TFAP2D: variants seen among roughly 807,000 people sequenced by gnomAD.
TFAP2D encodes the protein transcription factor AP-2 delta, also known as transcription factor AP-2-delta.
In TFAP2D, 9 loss-of-function variants were observed where a neutral mutation model predicts 43.6. That is an observed-to-expected ratio of 0.21 (90% CI 0.12 to 0.36). The LOEUF (loss-of-function observed/expected upper bound fraction) is 0.36, where lower values mean the gene tolerates loss of function less well. Among genes scored for constraint, TFAP2D ranks in the 10% least tolerant of loss-of-function variants. The probability of loss-of-function intolerance (pLI) is 1.00; values close to 1 mark genes in which losing one functional copy is unlikely to be tolerated. For missense variants in TFAP2D, 513 were observed against 561.4 expected (o/e 0.91, Z 0.87); for synonymous variants, 256 against 224.9 (o/e 1.14, Z -1.24).
intron 7 of TFAP2D, among the ~76,000 whole-genome samples, chr6:50,758,637 A>G (rs1769323776): frequency 6.6e-6 from 1 of 152,010 alleles, no homozygotes; most frequent in African/African-American, 2.4e-5. Context: ...GTCTCTACTT[A>G]AATGTGAGCA....
chr6:50,766,439 G>A (rs1348216709), intron 7 of TFAP2D, among the ~76,000 whole-genome samples: 1 of 151,976 alleles, frequency 6.6e-6, no homozygotes, highest in East Asian at 1.9e-4. Context: ...TGAATCCATA[G>A]ATTGGTTTTA....
intron 3 of TFAP2D, among the ~76,000 whole-genome samples, chr6:50,723,028 T>C (rs1768754380): frequency 6.6e-6 from 1 of 152,158 alleles, no homozygotes; most frequent in South Asian, 2.1e-4. Flanking sequence ...AAATACAAAC[T>C]ACTTTGAATC....
chr6:50,719,855 G>A (rs373827790), intron 3 of TFAP2D, among the ~76,000 whole-genome samples: 2 of 152,202 alleles, frequency 1.3e-5, no homozygotes, highest in East Asian at 1.9e-4. Flanking sequence ...GGTGGGGGAA[G>A]GCAAGAGGAG....
At chr6:50,723,882 T>G (rs2114033595) in intron 3 of TFAP2D, among the ~76,000 whole-genome samples, 1 of 152,204 alleles carries the variant, frequency 6.6e-6, no homozygotes, top group Admixed American at 6.5e-5. Context: ...TACCGCCACA[T>G]TAAACCAGCG....
In TFAP2D at chr6:50,713,922, C is replaced by G. The variant is rs1768569432; in HGVS notation, c.-134C>G. 2.2e-6 allele frequency: 3 copies of G among 1,362,442 alleles called. No individual in the cohort carries two copies. In the Admixed American group the frequency reaches 5.6e-5, roughly 26 times the overall value. 84.4% of individuals were successfully genotyped at this position (1,362,442 alleles called of 1,614,324 possible). A position where few individuals can be genotyped will look rare whatever the true frequency, so the allele number is the denominator to read the frequency against. Reference sequence around the variant, plus strand: ...CTATCTGATCCGGGCAAAACCATTACAATTTAGATATCTACCTATAGAACA... The same window carrying G: ...CTATCTGATCCGGGCAAAACCATTAGAATTTAGATATCTACCTATAGAACA... On this transcript the variant is annotated 5_prime_UTR_variant, in exon 1 of 8. Transcript: ENST00000008391.
intron 6 of TFAP2D, among the ~76,000 whole-genome samples, chr6:50,746,933 G>A (rs1581771253): frequency 6.6e-6 from 1 of 152,086 alleles, no homozygotes. Context: ...AGAAGGAATA[G>A]AGAAAAAGCA....
intron 6 of TFAP2D, among the ~76,000 whole-genome samples, chr6:50,748,624 CATTT>C (rs1230021015): frequency 1.3e-5 from 2 of 151,800 alleles, no homozygotes; most frequent in Admixed American, 6.6e-5. Flanking sequence ...GTAATTTAGA[CATTT>C]ATTTAGGCGA....
chr6:50,748,058 A>AT (rs1342715984), intron 6 of TFAP2D, among the ~76,000 whole-genome samples: 2 of 152,040 alleles, frequency 1.3e-5, no homozygotes, highest in Admixed American at 6.6e-5. Context: ...CAGCTTTATA[A>AT]TTTTTTATTT....
intron 7 of TFAP2D, among the ~76,000 whole-genome samples, chr6:50,770,673 C>A (rs969259887): frequency 3.3e-5 from 5 of 152,060 alleles, no homozygotes; most frequent in African/African-American, 1.2e-4. Flanking sequence ...AATAGGCTGC[C>A]TTAAACCCCA....
At chr6:50,763,410 C>G (rs542537344) in intron 7 of TFAP2D, among the ~76,000 whole-genome samples, 1 of 152,216 alleles carries the variant, frequency 6.6e-6, no homozygotes, top group South Asian at 2.1e-4. Flanking sequence ...ATCTAGCTTA[C>G]CTTCCTCCTC....
chr6:50,714,802 GCTGTGTGTGTGT>G (rs1768587575), intron 1 of TFAP2D, among the ~76,000 whole-genome samples: 1 of 152,056 alleles, frequency 6.6e-6, no homozygotes, highest in Non-Finnish European at 1.5e-5. Flanking sequence ...TTGGGCAGGG[GCTGTGTGTGTGT>G]CTGTGTGTGT....
At chr6:50,726,392 C>T (rs928004641) in intron 3 of TFAP2D, among the ~76,000 whole-genome samples, 18 of 152,322 alleles carry the variant, frequency 1.2e-4, no homozygotes, top group African/African-American at 2.6e-4. Context: ...TATACTCAAA[C>T]GCTCTGTTCT....
chr6:50,717,975 G>A (rs1464208508), intron 2 of TFAP2D: 1 of 152,196 alleles, frequency 6.6e-6, no homozygotes, highest in African/African-American at 2.4e-5. Flanking sequence ...ATGGTTTGGA[G>A]GGCGGTCTAA....
At chr6:50,729,558 G>A (rs1050843760) in intron 5 of TFAP2D, among the ~76,000 whole-genome samples, 1 of 152,048 alleles carries the variant, frequency 6.6e-6, no homozygotes, top group African/African-American at 2.4e-5. Flanking sequence ...GGAGGTTTTG[G>A]GTACTTCTCC....
chr6:50,737,252 G>C (rs982469831), intron 5 of TFAP2D, among the ~76,000 whole-genome samples: 7 of 152,158 alleles, frequency 4.6e-5, no homozygotes, highest in Non-Finnish European at 4.4e-5. Context: ...TTATAGGAAA[G>C]AGCTGTGGCC....
intron 1 of TFAP2D, among the ~76,000 whole-genome samples, 172 bp from the exon 2 acceptor site, chr6:50,714,944 A>C (rs572338309): frequency 5.3e-5 from 8 of 151,996 alleles, no homozygotes; most frequent in Non-Finnish European, 1.2e-4. Context: ...CCTGTTTGCA[A>C]AGGCTCTCTG....
At chr6:50,740,341 T>C (rs1769023609) in intron 5 of TFAP2D, among the ~76,000 whole-genome samples, 1 of 152,222 alleles carries the variant, frequency 6.6e-6, no homozygotes, top group East Asian at 1.9e-4. Flanking sequence ...AAGTACTGCT[T>C]AGTAAAAATT....
chr6:50,765,233 T>C (rs1412330872), intron 7 of TFAP2D, among the ~76,000 whole-genome samples: 2 of 152,200 alleles, frequency 1.3e-5, no homozygotes, highest in African/African-American at 4.8e-5. Flanking sequence ...TCCAGATTCA[T>C]TCATGTTGTC....
At chr6:50,718,651 T>C (rs990848262) in intron 2 of TFAP2D, among the ~76,000 whole-genome samples, 6 of 152,146 alleles carry the variant, frequency 3.9e-5, no homozygotes, top group African/African-American at 1.4e-4. Flanking sequence ...ATAAGACATC[T>C]TGTATCCTGC....
Sources: allele counts gnomAD v4.1 joint callset (sites outside exome capture counted in the v4.1 genomes callset), GRCh38; gene constraint gnomAD v4.1.1; transcripts MANE v1.5; gene names NCBI Gene and HGNC (gene_info 2026-07-23, HGNC 2026-07-21).